The following CLIP2 variants were observed in gnomAD, a reference collection of about 807,000 sequenced individuals.
CLIP2 encodes the protein CAP-Gly domain-containing linker protein 2.
A neutral mutation model predicts 111.7 loss-of-function variants in CLIP2; 41 were observed. The ratio of observed to expected loss-of-function variants is 0.37; its 90% CI spans 0.29 to 0.48. The LOEUF (loss-of-function observed/expected upper bound fraction) is 0.48, where lower values mean the gene tolerates loss of function less well. Ranked by LOEUF, CLIP2 falls within the 20% of genes least tolerant of loss-of-function variation. CLIP2 has a pLI of 0.99. For synonymous variants in CLIP2, 660 were observed against 644.2 expected (o/e 1.02, Z -0.37); for missense variants, 1,160 against 1,422.1 (o/e 0.82, Z 2.96).
chr7:74,398,976 T>A (rs1791537628), intron 14 of CLIP2, among the ~76,000 whole-genome samples: 1 of 152,308 alleles, frequency 6.6e-6, no homozygotes, highest in South Asian at 2.1e-4. Context: ...CAGGGTAGCC[T>A]CTTGTCTCAT....
intron 3 of CLIP2, among the ~76,000 whole-genome samples, chr7:74,349,364 G>C (rs1479153107): frequency 1.4e-5 from 2 of 147,856 alleles, no homozygotes; most frequent in African/African-American, 5.0e-5. Context: ...CCAGGAGGCA[G>C]AGGTTGCGGT....
chr7:74,379,354 T>A (rs2116664601), intron 10 of CLIP2, among the ~76,000 whole-genome samples: 1 of 151,472 alleles, frequency 6.6e-6, no homozygotes, highest in South Asian at 2.1e-4. Context: ...GCCCATCTCT[T>A]GATTTTCTGT....
intron 1 of CLIP2, among the ~76,000 whole-genome samples, chr7:74,309,429 C>T (rs1007725050): frequency 3.3e-5 from 5 of 152,218 alleles, no homozygotes; most frequent in African/African-American, 1.2e-4. Flanking sequence ...TGCCCATTTG[C>T]AGCCAATCTG....
At chr7:74,387,296 T>G (rs1791139505) in intron 12 of CLIP2, among the ~76,000 whole-genome samples, 1 of 152,288 alleles carries the variant, frequency 6.6e-6, no homozygotes, top group South Asian at 2.1e-4. Flanking sequence ...TCACCTAGGC[T>G]GGAGTGCAGT....
At chr7:74,362,101 A>G (rs1790344910) in intron 7 of CLIP2, among the ~76,000 whole-genome samples, 1 of 147,888 alleles carries the variant, frequency 6.8e-6, no homozygotes, top group Non-Finnish European at 1.5e-5. Flanking sequence ...CTCCGCCTCA[A>G]AAAAAAAAAA....
intron 8 of CLIP2, 44 bp from the exon 9 acceptor site, chr7:74,372,881 CCCTGCGT>C: frequency 2.3e-6 from 1 of 431,726 alleles, no homozygotes; most frequent in South Asian, 1.7e-5. Context: ...GTGCCCCCCT[CCCTGCGT>C]CCCCGCCCCC....
At chr7:74,322,771 A>C (rs762173074) in intron 2 of CLIP2, among the ~76,000 whole-genome samples, 1 of 151,984 alleles carries the variant, frequency 6.6e-6, no homozygotes, top group African/African-American at 2.4e-5. Context: ...TCGCTCTGTC[A>C]CCAGGCTCAA....
At chr7:74,394,322 C>G (rs571313217) in intron 13 of CLIP2, among the ~76,000 whole-genome samples, 1 of 143,538 alleles carries the variant, frequency 7.0e-6, no homozygotes, top group Admixed American at 7.5e-5. Flanking sequence ...ACAATCTCTG[C>G]TCACCGCAAC....
chr7:74,291,473 C>G lies in CLIP2; in HGVS notation c.-68+1739C>G, dbSNP rs532134728. Reference sequence around the variant, plus strand: ...GGTTCAAATCCCAGCTCTGCCACTCCCTAGCTATGTGACCTTGCACATTGC... The same window carrying G: ...GGTTCAAATCCCAGCTCTGCCACTCGCTAGCTATGTGACCTTGCACATTGC... On this transcript the variant is annotated intron_variant, in intron 1 of 16. Transcript: ENST00000223398. Among the ~76,000 whole-genome samples the G allele has an allele frequency of 5.3e-5, 8 of 152,330 alleles. No homozygotes were observed. The South Asian group carries it at 6.2e-4, about 12-fold the overall frequency.
At chr7:74,394,422 G>T (rs1188190392) in intron 13 of CLIP2, among the ~76,000 whole-genome samples, 1 of 151,820 alleles carries the variant, frequency 6.6e-6, no homozygotes, top group Non-Finnish European at 1.5e-5. Flanking sequence ...GGCTAATTTT[G>T]TATTTTTAGT....
At chr7:74,362,528 C>CTTTTTTTTTTTTTTT (rs3044338) in intron 7 of CLIP2, among the ~76,000 whole-genome samples, 9 of 121,952 alleles carry the variant, frequency 7.4e-5, no homozygotes, top group Non-Finnish European at 9.8e-5. Context: ...TTTTTCTTTT[C>CTTTTTTTTTTTTTTT]TTTTTTTTTT....
chr7:74,325,122 C>A (rs1343827264), intron 2 of CLIP2, among the ~76,000 whole-genome samples: 3 of 152,194 alleles, frequency 2.0e-5, no homozygotes, highest in Non-Finnish European at 4.4e-5. Context: ...CAGCCTCCGG[C>A]AGAGGATCTG....
At chr7:74,358,816 C>CTTGAGT (rs1470770572) in intron 6 of CLIP2, among the ~76,000 whole-genome samples, 1 of 151,976 alleles carries the variant, frequency 6.6e-6, no homozygotes, top group African/African-American at 2.4e-5. Flanking sequence ...AGTGACCCTC[C>CTTGAGT]CACCTTGGTC....
At chr7:74,335,690 T>TTC (rs1554731987) in intron 2 of CLIP2, among the ~76,000 whole-genome samples, 5 of 77,990 alleles carry the variant, frequency 6.4e-5, no homozygotes, top group Admixed American at 2.8e-4. Context: ...TTCCTTCCTT[T>TTC]CTCTTTTTTT....
chr7:74,295,096 G>A (rs1271230535), intron 1 of CLIP2, among the ~76,000 whole-genome samples: 2 of 152,174 alleles, frequency 1.3e-5, no homozygotes, highest in African/African-American at 4.8e-5. Flanking sequence ...TCTATTAGCT[G>A]TGATTACAAG....
chr7:74,366,875 C>CAAAA (rs35336151), intron 8 of CLIP2, among the ~76,000 whole-genome samples: 3 of 66,128 alleles, frequency 4.5e-5, no homozygotes, highest in Admixed American at 1.7e-4. Context: ...GACTCCTTCT[C>CAAAA]AAAAAAAAAA....
In CLIP2 at chr7:74,376,629, G is replaced by T. The variant is rs1471265615; in HGVS notation, c.2228G>T (p.Arg743Leu). 1.2e-6 allele frequency: 2 copies of T among 1,613,370 alleles called. No homozygotes were observed. Among genetic ancestry groups the T allele is most frequent in the Non-Finnish European group, 1.7e-6 (2 of 1,179,870 alleles). ...HELEKLDVEY[R>L]GQAQAIEFLK... is the part of the protein sequence containing the mutation. ...CTGGAAAAACTGGACGTGGAGTACC[G>T]GGGCCAGGCGCAGGCTATCGAGTTC... is the stretch of plus-strand genomic sequence containing the variant. The change falls in exon 10 of 17, where the codon CGG (arginine) becomes CTG (leucine). Residue 743 changes from arginine (R) to leucine (L), a missense_variant. This residue lies in a region of CLIP2 where 676 missense variants were observed against 777.8 expected (regional missense o/e 0.87). Transcript: ENST00000223398. This position sits in a 1 kb window ranked among gnomAD's most constrained non-coding sequence, Gnocchi z 7.1.
intron 1 of CLIP2, among the ~76,000 whole-genome samples, chr7:74,303,137 G>A (rs1281230418): frequency 1.3e-5 from 2 of 152,198 alleles, no homozygotes; most frequent in Non-Finnish European, 2.9e-5. Flanking sequence ...CTCAGAGCCG[G>A]CAAGACTCAC....
intron 1 of CLIP2, among the ~76,000 whole-genome samples, chr7:74,312,763 C>T (rs782143859): frequency 2.6e-5 from 4 of 152,112 alleles, no homozygotes; most frequent in African/African-American, 4.8e-5. Flanking sequence ...CAGGCATGCC[C>T]AGTGCTCTCG....
Sources: allele counts gnomAD v4.1 joint callset (sites outside exome capture counted in the v4.1 genomes callset), GRCh38; gene constraint gnomAD v4.1.1; regional missense constraint gnomAD v4.1.1; non-coding constraint Gnocchi (gnomAD v3.1); transcripts MANE v1.5; gene names NCBI Gene and HGNC (gene_info 2026-07-23, HGNC 2026-07-21).